The following MED13 variants were observed in gnomAD, a reference collection of about 807,000 sequenced individuals.
MED13 encodes the protein mediator complex subunit 13, also known as mediator of RNA polymerase II transcription subunit 13.
Under a neutral mutation model 225.2 loss-of-function variants are expected in MED13, and 23 were observed. That is an observed-to-expected ratio of 0.10 (90% CI 0.07 to 0.14). MED13 has a LOEUF of 0.14. Among genes scored for constraint, MED13 ranks in the 10% least tolerant of loss-of-function variants. The pLI is 1.00. For synonymous variants in MED13, 942 were observed against 889.2 expected (o/e 1.06, Z -1.06); for missense variants, 2,197 against 2,594.5 (o/e 0.85, Z 3.33).
At chr17:62,043,176 A>G (rs1175250185) in intron 3 of MED13, among the ~76,000 whole-genome samples, 1 of 149,264 alleles carries the variant, frequency 6.7e-6, no homozygotes, top group East Asian at 2.0e-4. Context: ...AAAAAAAAAA[A>G]AAAAAAAAGA....
chr17:61,947,917 T>C (rs1463282814), intron 28 of MED13, among the ~76,000 whole-genome samples: 1 of 152,160 alleles, frequency 6.6e-6, no homozygotes, highest in Non-Finnish European at 1.5e-5. Context: ...TATAAGGTAC[T>C]ATTTTATATT....
Position 62,052,672 on chromosome 17 carries a change from G to C in MED13, c.335C>G (p.Ser112Cys), listed in dbSNP as rs2080966465. ...EEDGVWENGLSYECRTLLFKA... is the reference protein window; with the variant it reads ...EEDGVWENGLCYECRTLLFKA... The stretch of plus-strand genomic sequence containing the variant: ...GAAAAGCAGAGTACGGCATTCATAG[G>C]AAAGTCCATTCTCCCACACTCCATC... The change falls in exon 3 of 30, where the codon TCC becomes TGC. Residue 112 changes from serine (S) to cysteine (C), a missense_variant. By Grantham distance (112) the Ser-to-Cys change is moderately radical. Around this residue, in one of 12 missense-constraint regions of MED13, gnomAD observed 884 missense variants for 918.5 expected, o/e 0.96. Transcript: ENST00000397786. 2 of 1,587,380 alleles carry C rather than the reference G, an allele frequency of 1.3e-6. No homozygotes were observed. Among genetic ancestry groups the C allele is most frequent in the Non-Finnish European group, 1.7e-6 (2 of 1,165,850 alleles).
chr17:62,036,889 A>C (rs1006046063), intron 3 of MED13: 1 of 152,216 alleles, frequency 6.6e-6, no homozygotes, highest in Non-Finnish European at 1.5e-5. Flanking sequence ...TTGCAGATCA[A>C]ACTCCTTGTT....
intron 8 of MED13, among the ~76,000 whole-genome samples, chr17:62,014,064 C>CA (rs1470499540): frequency 2.0e-5 from 3 of 151,510 alleles, no homozygotes; most frequent in Non-Finnish European, 4.4e-5. Flanking sequence ...CACAAACAAA[C>CA]AAAAAAAGTA....
At chr17:62,053,601 T>G (rs1368545645) in intron 2 of MED13, among the ~76,000 whole-genome samples, 1 of 152,226 alleles carries the variant, frequency 6.6e-6, no homozygotes, top group Non-Finnish European at 1.5e-5. Flanking sequence ...TAACTTTCAT[T>G]ACAAGATTTT....
intron 3 of MED13, among the ~76,000 whole-genome samples, chr17:62,036,348 T>C (rs2080803513): frequency 6.6e-6 from 1 of 152,138 alleles, no homozygotes; most frequent in African/African-American, 2.4e-5. Flanking sequence ...TGCAAAACAG[T>C]ACACCTTAAT....
intron 11 of MED13, among the ~76,000 whole-genome samples, chr17:61,992,004 C>T (rs2080303807): frequency 6.6e-6 from 1 of 152,164 alleles, no homozygotes; most frequent in Non-Finnish European, 1.5e-5. Flanking sequence ...TGATAGTCTT[C>T]GAATTGTAAC....
chr17:62,039,540 C>T (rs949399714), intron 3 of MED13, among the ~76,000 whole-genome samples: 2 of 151,620 alleles, frequency 1.3e-5, no homozygotes, highest in South Asian at 2.1e-4. Context: ...ACCTCGGCCT[C>T]CCAAAGTGCT....
intron 12 of MED13, among the ~76,000 whole-genome samples, chr17:61,985,719 A>C (rs531120022): frequency 6.6e-6 from 1 of 152,328 alleles, no homozygotes; most frequent in East Asian, 1.9e-4. Context: ...GGTTGTAATT[A>C]ACATTAGAAA....
chr17:61,969,440 C>T (rs1313859146), intron 17 of MED13, among the ~76,000 whole-genome samples: 1 of 152,036 alleles, frequency 6.6e-6, no homozygotes, highest in East Asian at 1.9e-4. Context: ...CCTTGGGAGA[C>T]TGAGGTGGGA....
At chr17:61,990,756 TTACTA>T (rs924639862) in intron 11 of MED13, among the ~76,000 whole-genome samples, 35 of 152,118 alleles carry the variant, frequency 2.3e-4, no homozygotes, top group Admixed American at 3.3e-4. Context: ...TGTAAATGAA[TTACTA>T]TACTATGTCT....
chr17:61,988,438 GTCC>G (rs1316145470), intron 11 of MED13, among the ~76,000 whole-genome samples: 2 of 152,184 alleles, frequency 1.3e-5, no homozygotes, highest in Non-Finnish European at 2.9e-5. Flanking sequence ...TGACTTGAGA[GTCC>G]TCGTTTTCAG....
At chr17:61,973,593 A>G (rs2080127686) in intron 16 of MED13, among the ~76,000 whole-genome samples, 1 of 152,234 alleles carries the variant, frequency 6.6e-6, no homozygotes, top group Admixed American at 6.5e-5. Context: ...TTGTACCACT[A>G]AACCTGTTTG....
chr17:61,989,816 T>C (rs1217524816), intron 11 of MED13, among the ~76,000 whole-genome samples: 1 of 152,248 alleles, frequency 6.6e-6, no homozygotes, highest in East Asian at 1.9e-4. Context: ...ACCAACTTTG[T>C]TCTTTTTGCT....
intron 19 of MED13, among the ~76,000 whole-genome samples, chr17:61,965,744 T>C (rs1178218873): frequency 1.3e-5 from 2 of 152,198 alleles, no homozygotes; most frequent in African/African-American, 4.8e-5. Flanking sequence ...TTTCTAAGTA[T>C]AATTAAATGT....
chr17:62,042,826 G>C (rs2080864927), intron 3 of MED13, among the ~76,000 whole-genome samples: 1 of 151,642 alleles, frequency 6.6e-6, no homozygotes, highest in African/African-American at 2.4e-5. Context: ...AGATTTGTAA[G>C]AGTCTACAGT....
intron 11 of MED13, among the ~76,000 whole-genome samples, chr17:61,989,348 T>C (rs757559125): frequency 9.9e-5 from 15 of 151,520 alleles, no homozygotes; most frequent in Non-Finnish European, 2.1e-4. Context: ...ATTTGATTGA[T>C]TGATTGATTG....
chr17:62,008,305 G>C (rs182480627), intron 9 of MED13, among the ~76,000 whole-genome samples: 7 of 97,966 alleles, frequency 7.1e-5, no homozygotes, highest in Non-Finnish European at 1.3e-4. Flanking sequence ...GCCACAGAGC[G>C]AGGCTCTGTC....
intron 8 of MED13, among the ~76,000 whole-genome samples, chr17:62,028,717 C>T (rs532363298): frequency 6.6e-5 from 10 of 150,788 alleles, no homozygotes; most frequent in Non-Finnish European, 1.2e-4. Flanking sequence ...TGGTGGCGGG[C>T]GCCTGTAGTC....
Sources: allele counts gnomAD v4.1 joint callset (sites outside exome capture counted in the v4.1 genomes callset), GRCh38; gene constraint gnomAD v4.1.1; regional missense constraint gnomAD v4.1.1; transcripts MANE v1.5; gene names NCBI Gene and HGNC (gene_info 2026-07-23, HGNC 2026-07-21).